Variants in FBXL17 observed in about 807,000 individuals in gnomAD.
FBXL17 encodes the protein F-box and leucine rich repeat protein 17.
In FBXL17, 22 loss-of-function variants were observed where a neutral mutation model predicts 66.2. That is an observed-to-expected ratio of 0.33 (90% CI 0.24 to 0.47). The LOEUF is 0.47. Among genes scored for constraint, FBXL17 ranks in the 20% least tolerant of loss-of-function variants. The pLI is 1.00. For missense variants in FBXL17, 878 were observed against 948.2 expected, an observed-to-expected ratio of 0.93 and a Z score of 0.97; for synonymous variants, 474 against 400.5, an observed-to-expected ratio of 1.18 and a Z score of -2.19.
intron 6 of FBXL17, among the ~76,000 whole-genome samples, chr5:108,126,091 A>C (rs953147512): frequency 6.6e-6 from 1 of 152,074 alleles, no homozygotes; most frequent in Non-Finnish European, 1.5e-5. Flanking sequence ...CAGTTATAAG[A>C]GGTGCAGAGG....
rs575708604 is a variant in FBXL17, at chr5:108,254,211, T to C, written c.1507-29983A>G. ...TGGTAAATGAGATAATTATGCCTTT[T>C]GACAAATGTAAACTGTGCTTCTAGA... On this transcript the variant is annotated intron_variant, in intron 4 of 8. Transcript: ENST00000542267. Among the ~76,000 whole-genome samples the C allele has an allele frequency of 3.0e-3, 457 of 152,312 alleles. 2 individuals are homozygous for C. Among genetic ancestry groups the C allele is most frequent in the African/African-American group, 0.011 (439 of 41,564 alleles).
intron 1 of FBXL17, among the ~76,000 whole-genome samples, 157 bp downstream of exon 1, chr5:108,380,542 A>G (rs1364928091): frequency 6.6e-6 from 1 of 152,042 alleles, no homozygotes; most frequent in Admixed American, 6.5e-5. Context: ...GGCCATAGGC[A>G]GAGGCCCCAC....
chr5:107,985,593 A>G (rs991935283), intron 7 of FBXL17, among the ~76,000 whole-genome samples: 2 of 152,166 alleles, frequency 1.3e-5, no homozygotes, highest in Non-Finnish European at 2.9e-5. Flanking sequence ...CTGCTGAGAA[A>G]CATAAAATTA....
intron 7 of FBXL17, among the ~76,000 whole-genome samples, chr5:107,887,180 T>G (rs1352534939): frequency 6.6e-6 from 1 of 152,244 alleles, no homozygotes; most frequent in Non-Finnish European, 1.5e-5. Flanking sequence ...ACTATTTTTG[T>G]AACTTTTCTG....
Position 108,014,418 on chromosome 5 carries a change from C to G in FBXL17, c.1822+6507G>C, listed in dbSNP as rs142815848. ...CTTTTAAATGAAGGCTAGAATGTTT[C>G]TTAATTTAAAAAAACGACTAAATGT... is the stretch of plus-strand genomic sequence containing the variant. On this transcript the variant is annotated intron_variant, in intron 7 of 8. Transcript: ENST00000542267. Among the ~76,000 whole-genome samples the G allele has an allele frequency of 2.5e-4, 38 of 152,128 alleles. No individual in the cohort carries two copies. In the East Asian group the frequency reaches 7.2e-3, roughly 29 times the overall value.
chr5:108,258,459 T>C (rs756029217), intron 4 of FBXL17, among the ~76,000 whole-genome samples: 4 of 152,142 alleles, frequency 2.6e-5, no homozygotes, highest in African/African-American at 4.8e-5. Context: ...CTTTCATATG[T>C]TGGGGTAAAA....
chr5:107,919,523 C>T (rs143010967), intron 7 of FBXL17, among the ~76,000 whole-genome samples: 1 of 152,300 alleles, frequency 6.6e-6, no homozygotes, highest in Non-Finnish European at 1.5e-5. Context: ...AGGCTTTTTA[C>T]ACGCTCCAGT....
intron 6 of FBXL17, among the ~76,000 whole-genome samples, chr5:108,172,098 G>A (rs1389075273): frequency 5.3e-5 from 8 of 152,124 alleles, no homozygotes; most frequent in Non-Finnish European, 8.8e-5. Flanking sequence ...CAACAGCAGC[G>A]TGAAAACAGA....
chr5:107,948,673 T>C (rs896411498), intron 7 of FBXL17, among the ~76,000 whole-genome samples: 5 of 152,214 alleles, frequency 3.3e-5, no homozygotes, highest in Non-Finnish European at 7.3e-5. Flanking sequence ...CCCAAATTTC[T>C]TCCTTGGCCT....
chr5:108,295,313 T>C (rs960460393), intron 4 of FBXL17, among the ~76,000 whole-genome samples: 2 of 151,842 alleles, frequency 1.3e-5, no homozygotes, highest in Non-Finnish European at 2.9e-5. Flanking sequence ...TAATATTTTT[T>C]AAATATAAAA....
intron 7 of FBXL17, among the ~76,000 whole-genome samples, chr5:107,936,636 G>C (rs1011698309): frequency 6.6e-5 from 10 of 152,108 alleles, no homozygotes; most frequent in African/African-American, 2.4e-4. Context: ...GTGAAGACTG[G>C]AGATGTGCTA....
intron 6 of FBXL17, among the ~76,000 whole-genome samples, chr5:108,072,769 T>C (rs2909879): frequency 0.74 from 112,763 of 152,096 alleles, 42,108 homozygotes; most frequent in East Asian, 0.94. Context: ...AATCACAACA[T>C]TTATTATCTC....
At chr5:108,228,056 T>G (rs1360042643) in intron 4 of FBXL17, among the ~76,000 whole-genome samples, 1 of 152,100 alleles carries the variant, frequency 6.6e-6, no homozygotes, top group Non-Finnish European at 1.5e-5. Context: ...GCCAGAGCAT[T>G]CAGAGAGAAA....
intron 7 of FBXL17, among the ~76,000 whole-genome samples, chr5:107,923,704 T>G (rs984812109): frequency 6.6e-6 from 1 of 152,134 alleles, no homozygotes; most frequent in African/African-American, 2.4e-5. Context: ...AACACTAGGG[T>G]ACTTGATATG....
chr5:108,382,002 C>T lies in FBXL17; in HGVS notation c.-311G>A, dbSNP rs746116084. 6 of 1,155,628 alleles carry T rather than the reference C, an allele frequency of 5.2e-6. No individual in the cohort carries two copies. Among genetic ancestry groups the T allele is most frequent in the African/African-American group, 3.2e-5 (2 of 62,514 alleles). 71.6% of individuals were successfully genotyped at this position (1,155,628 alleles called of 1,614,324 possible). ...GGCGACCAGTCCGGGCCCGGCCAGC[C>T]GGCTCAGTCAGTCAGCGGAGCGGCC... On this transcript the variant is annotated 5_prime_UTR_variant, in exon 1 of 9. Coordinates refer to ENST00000542267, the MANE Select transcript of FBXL17 (RefSeq NM_001163315.3).
rs184550224 is a variant in FBXL17 at position 108,063,805 on chromosome 5, T to C, written c.1746-42804A>G. 7.2e-5 allele frequency among the ~76,000 whole-genome samples: 11 copies of C among 152,288 alleles called. No homozygotes were observed. The East Asian group carries it at 2.1e-3, about 29-fold the overall frequency. ...ATACAAAACAGATATTTATAATAGA[T>C]GTATCTTTCTTGTTTTTTGTTTTCT... On this transcript the variant is annotated intron_variant, in intron 6 of 8. Coordinates refer to ENST00000542267, the MANE Select transcript of FBXL17 (RefSeq NM_001163315.3).
intron 6 of FBXL17, among the ~76,000 whole-genome samples, chr5:108,143,726 G>T (rs1220144278): frequency 4.6e-5 from 5 of 107,528 alleles, no homozygotes; most frequent in African/African-American, 1.6e-4. Flanking sequence ...GTTTTCATGG[G>T]AAAAAAAAAA....
intron 6 of FBXL17, among the ~76,000 whole-genome samples, chr5:108,130,221 G>A (rs1171755893): frequency 6.6e-6 from 1 of 151,634 alleles, no homozygotes; most frequent in African/African-American, 2.4e-5. Context: ...CTGAGACTTG[G>A]ATTAGGAAAG....
intron 6 of FBXL17, among the ~76,000 whole-genome samples, chr5:108,064,376 C>G (rs1031372624): frequency 6.6e-6 from 1 of 152,118 alleles, no homozygotes; most frequent in African/African-American, 2.4e-5. Flanking sequence ...GAAATAAAAA[C>G]TGAAGAAAAG....
Sources: gnomAD v4.1 joint callset for allele counts (sites outside exome capture counted in the v4.1 genomes callset) on GRCh38, gnomAD v4.1.1 for gene constraint, MANE v1.5 for transcripts, NCBI Gene and HGNC (gene_info 2026-07-23, HGNC 2026-07-21) for gene names.